Variants in GJA3 observed in about 807,000 individuals in gnomAD.
GJA3 encodes the protein gap junction alpha-3 protein.
For missense variants in GJA3, 571 were observed against 620.3 expected (o/e 0.92, Z 0.84); for synonymous variants, 297 against 292.6 (o/e 1.02, Z -0.15).
At chr13:20,150,453 T>C (rs562894696) in intron 1 of GJA3, among the ~76,000 whole-genome samples, 1 of 152,170 alleles carries the variant, frequency 6.6e-6, no homozygotes, top group South Asian at 2.1e-4. Flanking sequence ...GACCGCGTCC[T>C]GCACAGCGTG....
In GJA3 at chr13:20,142,396, T is replaced by C. The variant is rs1285911794; in HGVS notation, c.893A>G (p.Lys298Arg). 3.3e-6 allele frequency: 5 copies of C among 1,507,464 alleles called. No individual in the cohort carries two copies. The highest frequency in any genetic ancestry group is 1.7e-4 in the Middle Eastern group (1 of 5,758). 93.4% of individuals were successfully genotyped at this position (1,507,464 alleles called of 1,614,324 possible). ...PGAPPPAADF[K>R]LLALTEARGK... ...GCGCGCCTCGGTCAGGGCTAGCAGT[T>C]TGAAGTCCGCGGCTGGTGGCGGGGC... The change falls in exon 2 of 2, where the codon AAA (lysine) becomes AGA (arginine). Residue 298 changes from lysine (K) to arginine (R), a missense_variant. Transcript: ENST00000241125.
chr13:20,157,746 T>C (rs935657677), intron 1 of GJA3, among the ~76,000 whole-genome samples: 5 of 152,238 alleles, frequency 3.3e-5, no homozygotes, highest in African/African-American at 7.2e-5. Flanking sequence ...CTGGAGTACA[T>C]GTTAAGCTTT....
intron 1 of GJA3, among the ~76,000 whole-genome samples, chr13:20,147,977 G>A (rs893661093): frequency 2.0e-5 from 3 of 152,106 alleles, no homozygotes; most frequent in Non-Finnish European, 4.4e-5. Flanking sequence ...GACTCTAAGT[G>A]AGCAAGGGCA....
At chr13:20,153,640 C>T (rs759959623) in intron 1 of GJA3, among the ~76,000 whole-genome samples, 13 of 151,700 alleles carry the variant, frequency 8.6e-5, no homozygotes, top group South Asian at 2.1e-4. Flanking sequence ...TTGTGGGGTG[C>T]GGGGAGGGGG....
chr13:20,142,750 C>T lies in GJA3; in HGVS notation c.539G>A (p.Arg180His), dbSNP rs1449356205. The change falls in exon 2 of 2, where the codon CGC becomes CAC. Residue 180 changes from arginine to histidine, a missense_variant. Transcript: ENST00000241125. Reference protein sequence around the residue: ...LYGFELKPLYRCDRWPCPNTV... With the variant: ...LYGFELKPLYHCDRWPCPNTV... The stretch of plus-strand genomic sequence containing the variant: ...GTTGGGGCAGGGCCAGCGGTCGCAG[C>T]GGTAGAGCGGCTTCAGCTCGAAGCC... 6 of 1,613,684 alleles carry T rather than the reference C, an allele frequency of 3.7e-6. No individual in the cohort carries two copies. The African/African-American group carries it at 5.3e-5, about 14-fold the overall frequency.
At chr13:20,148,611 G>A (rs1018130621) in intron 1 of GJA3, among the ~76,000 whole-genome samples, 1 of 152,182 alleles carries the variant, frequency 6.6e-6, no homozygotes, top group Non-Finnish European at 1.5e-5. Context: ...GAAATCAGCA[G>A]AGAGTTGCAC....
intron 1 of GJA3, among the ~76,000 whole-genome samples, chr13:20,147,646 C>T (rs1958851062): frequency 6.6e-6 from 1 of 152,164 alleles, no homozygotes. Context: ...TTTCACAGTT[C>T]TCTGCATTTT....
At position 20,143,169 on chromosome 13, in the gene GJA3, C is replaced by G; in HGVS notation, c.120G>C (p.Ala40=). 1 of 1,606,148 alleles carries G rather than the reference C, an allele frequency of 6.2e-7. No individual in the cohort carries two copies. The highest frequency in any genetic ancestry group is 8.5e-7 in the Non-Finnish European group (1 of 1,174,898). ...GCTCATCGCCCCACACGTCCTCCGC[C>G]GCGGCCCCCAGCACCAAGATGCGGA... is the stretch of plus-strand genomic sequence containing the variant. ...FIFRILVLGA[A]AEDVWGDEQS... is the part of the protein sequence containing the mutation. The change falls in exon 2 of 2, where the codon GCG becomes GCC. Residue 40 remains alanine (A), a synonymous_variant. Coordinates refer to ENST00000241125, the MANE Select transcript of GJA3 (RefSeq NM_021954.4).
At chr13:20,145,181 C>CA (rs200635990) in intron 1 of GJA3, among the ~76,000 whole-genome samples, 4 of 152,150 alleles carry the variant, frequency 2.6e-5, no homozygotes, top group African/African-American at 9.6e-5. Flanking sequence ...CAGTCCATCT[C>CA]AAAAAAATTT....
At chr13:20,145,585 G>A (rs1450666416) in intron 1 of GJA3, among the ~76,000 whole-genome samples, 4 of 152,190 alleles carry the variant, frequency 2.6e-5, no homozygotes, top group South Asian at 2.1e-4. Context: ...CTGCCCAGGC[G>A]TCTGGGCAGA....
At chr13:20,143,483 C>T (rs919909717) in intron 1 of GJA3, among the ~76,000 whole-genome samples, 178 bp from the exon 2 acceptor site, 3 of 152,194 alleles carry the variant, frequency 2.0e-5, no homozygotes, top group South Asian at 2.1e-4. Flanking sequence ...CAAGTGCAAG[C>T]GTCCATGAGG....
Position 20,143,120 on chromosome 13 carries a change from G to A in GJA3, c.169C>T (p.Gln57Ter). ...CAGACGTTCTCGCAGCCCGGCTGCTGGGTGTTGCAGGTGAAGTCTGACTGC... is the reference window on the plus strand; with the variant it reads ...CAGACGTTCTCGCAGCCCGGCTGCTAGGTGTTGCAGGTGAAGTCTGACTGC... Reference protein sequence around the residue: ...DEQSDFTCNTQQPGCENVCYD... With the variant: ...DEQSDFTCNT The change falls in exon 2 of 2, where the codon CAG becomes TAG. Residue 57 changes from glutamine to a stop codon, truncating the protein, a stop_gained. Transcript: ENST00000241125. LOFTEE classifies it low-confidence loss of function (END_TRUNC). 2 of 1,613,566 alleles carry A rather than the reference G, an allele frequency of 1.2e-6. No homozygotes were observed. The highest frequency in any genetic ancestry group is 1.7e-6 in the Non-Finnish European group (2 of 1,179,742).
At chr13:20,144,949 G>T (rs1405803956) in intron 1 of GJA3, among the ~76,000 whole-genome samples, 1 of 152,236 alleles carries the variant, frequency 6.6e-6, no homozygotes, top group Non-Finnish European at 1.5e-5. Context: ...GGGAGGCTAA[G>T]GCGGAAGGAT....
At position 20,161,034 on chromosome 13, in the gene GJA3, C is replaced by T; in HGVS notation, c.-162G>A. 6.5e-6 allele frequency: 1 copy of T among 152,710 alleles called. No individual in the cohort carries two copies. Among genetic ancestry groups the T allele is most frequent in the Non-Finnish European group, 1.5e-5 (1 of 68,414 alleles). 9.5% of individuals were successfully genotyped at this position (152,710 alleles called of 1,614,324 possible). ...CCGACCTCCCCGCCCTGATCGCCAT[C>T]CCTGCAGCCCCAGTGTGCGCTGCGC... On this transcript the variant is annotated 5_prime_UTR_variant, in exon 1 of 2. Transcript: ENST00000241125.
chr13:20,145,188 A>T (rs188414198), intron 1 of GJA3, among the ~76,000 whole-genome samples: 11,706 of 151,992 alleles, frequency 0.077, 638 homozygotes, highest in Admixed American at 0.16. Flanking sequence ...TCTCAAAAAA[A>T]TTTTTTTTTA....
At position 20,142,317 on chromosome 13, in the gene GJA3, A is replaced by G; in HGVS notation, c.972T>C (p.Thr324=). 1 of 1,572,926 alleles carries G rather than the reference A, an allele frequency of 6.4e-7. No homozygotes were observed. Among genetic ancestry groups the G allele is most frequent in the South Asian group, 1.2e-5 (1 of 85,828 alleles). ...LYNGHHHLLM[T]EQNWANQAAE... is the part of the protein sequence containing the mutation. The stretch of plus-strand genomic sequence containing the variant: ...CCGCCTGGTTGGCCCAGTTCTGCTC[A>G]GTCATCAGCAGGTGGTGGTGGCCGT... Residue 324 remains threonine (T), a synonymous_variant, in exon 2 of 2, where the codon ACT becomes ACC. Transcript: ENST00000241125.
At chr13:20,148,100 C>A (rs894806100) in intron 1 of GJA3, among the ~76,000 whole-genome samples, 3 of 152,164 alleles carry the variant, frequency 2.0e-5, no homozygotes, top group Non-Finnish European at 4.4e-5. Flanking sequence ...AGAACACAGA[C>A]AATCTATCTG....
chr13:20,146,905 C>T lies in GJA3; in HGVS notation c.-17-3600G>A, dbSNP rs1167929241. Among the ~76,000 whole-genome samples the T allele has an allele frequency of 5.3e-5, 8 of 152,192 alleles. No individual in the cohort carries two copies. In the East Asian group the frequency reaches 1.2e-3, roughly 22 times the overall value. ...AGTGCTGGCTGGCCGTGGCTGACAC[C>T]GTGCTCTGGCCAACCCAGCTCCTAC... On this transcript the variant is annotated intron_variant, in intron 1 of 1. Transcript: ENST00000241125.
Position 20,141,887 on chromosome 13 carries a change from T to A in GJA3, c.*94A>T. ...TCCAGTCGCTCCCACCTCCTGGGAC[T>A]TTCAGGTTCTATCTGCTGGTGGGAA... is the stretch of plus-strand genomic sequence containing the variant. On this transcript the variant is annotated 3_prime_UTR_variant, in exon 2 of 2. Transcript: ENST00000241125. 2 of 1,516,354 alleles carry A rather than the reference T, an allele frequency of 1.3e-6. No individual in the cohort carries two copies. Among genetic ancestry groups the A allele is most frequent in the South Asian group, 2.5e-5 (2 of 79,972 alleles). The allele number at this position is 1,516,354 out of a possible 1,614,324, so 93.9% of individuals were successfully genotyped here.
Sources: allele counts gnomAD v4.1 joint callset (sites outside exome capture counted in the v4.1 genomes callset), GRCh38; gene constraint gnomAD v4.1.1; transcripts MANE v1.5; gene names NCBI Gene and HGNC (gene_info 2026-07-23, HGNC 2026-07-21).